Variants in CECR2 observed in about 807,000 individuals in gnomAD.
CECR2 encodes chromatin remodeling regulator CECR2.
CECR2 carries 30 observed loss-of-function variants against 154.5 expected under a neutral mutation model. The ratio of observed to expected loss-of-function variants is 0.19; its 90% confidence interval spans 0.15 to 0.26. The LOEUF (loss-of-function observed/expected upper bound fraction) is 0.26, where lower values mean the gene tolerates loss of function less well. CECR2 is among the 10% of genes least tolerant of loss of function. CECR2 has a pLI of 1.00. For synonymous variants in CECR2, 725 were observed against 683.7 expected (o/e 1.06, Z -0.94); for missense variants, 1,743 against 1,829.3 (o/e 0.95, Z 0.86).
intron 1 of CECR2, among the ~76,000 whole-genome samples, chr22:17,452,343 G>A (rs1251839835): frequency 6.6e-6 from 1 of 152,168 alleles, no homozygotes; most frequent in African/African-American, 2.4e-5. Flanking sequence ...CAAAGTGCTG[G>A]GATTACAGGC....
intron 1 of CECR2, among the ~76,000 whole-genome samples, chr22:17,387,907 T>C (rs972456055): frequency 6.6e-6 from 1 of 152,132 alleles, no homozygotes; most frequent in Non-Finnish European, 1.5e-5. Context: ...CTTCTGTTAG[T>C]ATTACATTCT....
chr22:17,476,353 C>T (rs1421022912), intron 1 of CECR2, among the ~76,000 whole-genome samples: 2 of 151,944 alleles, frequency 1.3e-5, no homozygotes, highest in Non-Finnish European at 2.9e-5. Context: ...CAATCTCTGC[C>T]TCCTGGTTTC....
intron 1 of CECR2, among the ~76,000 whole-genome samples, chr22:17,412,325 G>A (rs2054079247): frequency 6.6e-6 from 1 of 152,116 alleles, no homozygotes. Flanking sequence ...CAGTCCAGTT[G>A]GTAAAGTCAT....
intron 2 of CECR2, among the ~76,000 whole-genome samples, chr22:17,492,882 A>C (rs2055556092): frequency 6.6e-6 from 1 of 152,200 alleles, no homozygotes; most frequent in Admixed American, 6.5e-5. Flanking sequence ...CAGGTAATCT[A>C]AACTTGAGAA....
chr22:17,480,361 G>A (rs143608672), intron 2 of CECR2, among the ~76,000 whole-genome samples: 2,583 of 150,708 alleles, frequency 0.017, 41 homozygotes, highest in Non-Finnish European at 0.026. Flanking sequence ...TAGCTTACAG[G>A]TCTGTGATCA....
At chr22:17,462,967 C>T (rs950396368) in intron 1 of CECR2, among the ~76,000 whole-genome samples, 3 of 152,194 alleles carry the variant, frequency 2.0e-5, no homozygotes, top group Admixed American at 1.3e-4. Context: ...GAAACAGCCA[C>T]AAACCCAAAG....
chr22:17,487,726 T>C (rs1184227929), intron 2 of CECR2, among the ~76,000 whole-genome samples: 2 of 152,042 alleles, frequency 1.3e-5, no homozygotes, highest in Admixed American at 1.3e-4. Flanking sequence ...TGCTAAAATG[T>C]TTTTCCTTTT....
At position 17,477,687 on chromosome 22, in the gene CECR2, G is replaced by A; in HGVS notation, c.221+5G>A. On this transcript the variant is annotated splice_donor_5th_base_variant and intron_variant, in intron 2 of 18. Transcript: ENST00000262608. ...CTATCAACGAAGAGATATCACGTGA[G>A]TAATTCTGATCTTTCTAAGCATTTC... The A allele has an allele frequency of 2.5e-6, 4 of 1,588,984 alleles. No individual in the cohort carries two copies. Among genetic ancestry groups the A allele is most frequent in the Non-Finnish European group, 3.5e-6 (4 of 1,157,360 alleles).
At chr22:17,416,183 G>C (rs1019452732) in intron 1 of CECR2, among the ~76,000 whole-genome samples, 2 of 152,142 alleles carry the variant, frequency 1.3e-5, no homozygotes, top group African/African-American at 2.4e-5. Context: ...TATAAAATAT[G>C]TTCGCATATA....
chr22:17,442,587 C>T (rs887823673), intron 1 of CECR2, among the ~76,000 whole-genome samples: 3 of 152,110 alleles, frequency 2.0e-5, no homozygotes, highest in Non-Finnish European at 4.4e-5. Flanking sequence ...CTCACTCTGT[C>T]GCCCAGGCTG....
chr22:17,416,163 A>G (rs1569068183), intron 1 of CECR2, among the ~76,000 whole-genome samples: 1 of 152,204 alleles, frequency 6.6e-6, no homozygotes, highest in Non-Finnish European at 1.5e-5. Context: ...CTAAATAGTG[A>G]CAGATCTCTT....
chr22:17,370,319 C>CGGG (rs1192283154), intron 1 of CECR2, among the ~76,000 whole-genome samples: 4 of 64,682 alleles, frequency 6.2e-5, no homozygotes, highest in African/African-American at 1.9e-4. Context: ...GGGCCGGGCG[C>CGGG]GGGGGGGGGG....
Position 17,497,499 on chromosome 22 carries a change from G to C in CECR2, c.318G>C (p.Gln106His), listed in dbSNP as rs1051316815. Residue 106 changes from glutamine (Q) to histidine (H), a missense_variant, in exon 3 of 19, where the codon CAG (glutamine) becomes CAC (histidine). Gln to His is a conservative substitution (Grantham distance 24, BLOSUM62 0). This residue lies in a region of CECR2 where 98 missense variants were observed against 169.3 expected (regional missense o/e 0.58). Transcript: ENST00000262608. ...ACCCTCTGAGGGAAGCCAGTTTCCA[G>C]GACCTGCCTCTTCGCACACGGGTGG... is the stretch of plus-strand genomic sequence containing the variant. The part of the protein sequence containing the change: ...KPNPLREASF[Q>H]DLPLRTRVEI... The C allele has an allele frequency of 6.2e-7, 1 of 1,613,990 alleles. No homozygotes were observed. Among genetic ancestry groups the C allele is most frequent in the Admixed American group, 1.7e-5 (1 of 60,012 alleles).
intron 1 of CECR2, among the ~76,000 whole-genome samples, chr22:17,405,105 A>G (rs528363625): frequency 1.2e-4 from 19 of 152,078 alleles, no homozygotes; most frequent in Non-Finnish European, 2.4e-4. Context: ...TTTTGATGCT[A>G]TTATACATTT....
intron 16 of CECR2, among the ~76,000 whole-genome samples, chr22:17,543,220 C>A (rs960944228): frequency 6.6e-6 from 1 of 152,100 alleles, no homozygotes; most frequent in Non-Finnish European, 1.5e-5. Context: ...GCAAGTTCCA[C>A]CTCCCGGGTT....
chr22:17,398,551 T>C (rs745426142), intron 1 of CECR2, among the ~76,000 whole-genome samples: 34 of 152,316 alleles, frequency 2.2e-4, no homozygotes, highest in Non-Finnish European at 3.4e-4. Flanking sequence ...AGAATGCAGA[T>C]TCTGGAGCCA....
intron 5 of CECR2, among the ~76,000 whole-genome samples, chr22:17,502,711 G>A (rs895017485): frequency 3.3e-5 from 5 of 152,174 alleles, no homozygotes; most frequent in African/African-American, 1.2e-4. Flanking sequence ...GCTGAGGCAG[G>A]AGAATCATTT....
intron 1 of CECR2, among the ~76,000 whole-genome samples, chr22:17,404,532 C>T (rs2053952008): frequency 7.1e-6 from 1 of 140,974 alleles, no homozygotes; most frequent in Admixed American, 6.9e-5. Flanking sequence ...CGCCACTACG[C>T]CCGGCTAATT....
intron 1 of CECR2, among the ~76,000 whole-genome samples, chr22:17,381,716 A>G (rs891748699): frequency 1.1e-4 from 17 of 152,050 alleles, no homozygotes; most frequent in African/African-American, 3.9e-4. Context: ...CAGCAGTGGT[A>G]TTGTGAAACC....
Sources: gnomAD v4.1 joint callset for allele counts (sites outside exome capture counted in the v4.1 genomes callset) on GRCh38, gnomAD v4.1.1 for gene constraint, gnomAD v4.1.1 regional missense constraint, MANE v1.5 for transcripts, NCBI Gene and HGNC (gene_info 2026-07-23, HGNC 2026-07-21) for gene names.